The following ABHD17C variants were observed in gnomAD, a reference collection of about 807,000 sequenced individuals.
ABHD17C encodes alpha/beta hydrolase domain-containing protein 17C.
A neutral mutation model predicts 27.9 loss-of-function variants in ABHD17C; 11 were observed. That is an observed-to-expected ratio of 0.39 (90% CI 0.25 to 0.65). ABHD17C has a LOEUF of 0.65. Among genes scored for constraint, ABHD17C ranks in the 30% least tolerant of loss-of-function variants. The probability of loss-of-function intolerance (pLI) is 0.45; values close to 1 mark genes in which losing one functional copy is unlikely to be tolerated. For missense variants in ABHD17C, 280 were observed against 470.2 expected, an observed-to-expected ratio of 0.60 and a Z score of 3.74; for synonymous variants, 233 against 209.1, an observed-to-expected ratio of 1.11 and a Z score of -0.98.
In ABHD17C at chr15:80,728,455, G is replaced by A. The variant is rs185335522; in HGVS notation, c.591-21058G>A. Among the ~76,000 whole-genome samples the A allele has an allele frequency of 4.6e-5, 7 of 152,354 alleles. No individual in the cohort carries two copies. In the East Asian group the frequency reaches 1.4e-3, roughly 29 times the overall value. On this transcript the variant is annotated intron_variant, in intron 1 of 2. Transcript: ENST00000258884. ...TGGTGGGGCTGAGCTTTTAGGAGAA[G>A]TGACAGTGACTAGCTGAGAAGGACC...
At chr15:80,752,684 T>G (rs1174893612) in intron 2 of ABHD17C, among the ~76,000 whole-genome samples, 1 of 152,218 alleles carries the variant, frequency 6.6e-6, no homozygotes, top group Non-Finnish European at 1.5e-5. Context: ...TTTTGTAACT[T>G]CGACTAGGAT....
At chr15:80,728,208 T>C (rs1460199838) in intron 1 of ABHD17C, among the ~76,000 whole-genome samples, 4 of 152,220 alleles carry the variant, frequency 2.6e-5, no homozygotes, top group East Asian at 1.9e-4. Flanking sequence ...ACGTGCCTTC[T>C]AATAATGAAC....
In ABHD17C at chr15:80,695,395, C is replaced by A; in HGVS notation, c.-35C>A. 1.7e-6 allele frequency: 2 copies of A among 1,186,608 alleles called. No homozygotes were observed. Among genetic ancestry groups the A allele is most frequent in the Non-Finnish European group, 2.1e-6 (2 of 950,368 alleles). The allele number at this position is 1,186,608 out of a possible 1,614,324, so 73.5% of individuals were successfully genotyped here. ...CCTCCCGGGCCAGCCAGCCAGCCAG[C>A]CAGCCGGGCCGGCGGCGGGCACCAG... is the stretch of plus-strand genomic sequence containing the variant. On this transcript the variant is annotated 5_prime_UTR_variant, in exon 1 of 3. Transcript: ENST00000258884. The surrounding 1 kb of genome is among the most constrained non-coding windows in gnomAD (Gnocchi z 4.3).
At chr15:80,699,429 A>G (rs894440542) in intron 1 of ABHD17C, among the ~76,000 whole-genome samples, 1 of 152,002 alleles carries the variant, frequency 6.6e-6, no homozygotes, top group Non-Finnish European at 1.5e-5. Context: ...CAAAAAAAAA[A>G]GGGCCAGATG....
At chr15:80,727,274 G>A (rs185735653) in intron 1 of ABHD17C, among the ~76,000 whole-genome samples, 2 of 152,176 alleles carry the variant, frequency 1.3e-5, no homozygotes, top group South Asian at 2.1e-4. Flanking sequence ...AGCAGAGATT[G>A]AGGGCAGTTC....
At chr15:80,717,271 A>AAAAC (rs10644616) in intron 1 of ABHD17C, among the ~76,000 whole-genome samples, 2,841 of 144,982 alleles carry the variant, frequency 0.02, 94 homozygotes, top group Non-Finnish European at 0.028. Flanking sequence ...AAAAAAAAAA[A>AAAAC]GAGTTTTGGC....
At chr15:80,726,501 G>GTTTTTTTTTTTTTTTTT (rs10572505) in intron 1 of ABHD17C, among the ~76,000 whole-genome samples, 9 of 94,498 alleles carry the variant, frequency 9.5e-5, no homozygotes, top group African/African-American at 4.8e-4. Flanking sequence ...TCTTTTTCTG[G>GTTTTTTTTTTTTTTTTT]TTTTTTTTTT....
intron 1 of ABHD17C, among the ~76,000 whole-genome samples, chr15:80,717,603 C>G (rs1437323875): frequency 1.3e-5 from 2 of 152,130 alleles, no homozygotes; most frequent in Non-Finnish European, 1.5e-5. Flanking sequence ...CCAGGCTGGT[C>G]TTGAACTCCT....
chr15:80,696,275 C>T (rs1894494373), intron 1 of ABHD17C, among the ~76,000 whole-genome samples: 1 of 152,190 alleles, frequency 6.6e-6, no homozygotes, highest in Non-Finnish European at 1.5e-5. Context: ...TTTGGCTCGC[C>T]TGTGTGTCGC....
chr15:80,710,663 G>A (rs985626115), intron 1 of ABHD17C, among the ~76,000 whole-genome samples: 4 of 152,154 alleles, frequency 2.6e-5, no homozygotes, highest in African/African-American at 7.2e-5. Flanking sequence ...CAAGGATAAC[G>A]CCAAGGATTT....
intron 1 of ABHD17C, among the ~76,000 whole-genome samples, chr15:80,720,513 G>C (rs1162271924): frequency 1.3e-5 from 2 of 151,882 alleles, no homozygotes; most frequent in Admixed American, 6.6e-5. Context: ...GACTGGTTCT[G>C]GTTTCTTGAA....
chr15:80,715,682 G>C (rs958491867), intron 1 of ABHD17C, among the ~76,000 whole-genome samples: 1 of 152,166 alleles, frequency 6.6e-6, no homozygotes, highest in Admixed American at 6.5e-5. Context: ...GCGCTTTCAC[G>C]TACACTCTCT....
In ABHD17C at chr15:80,744,387, A is replaced by G. The variant is rs369936699; in HGVS notation, c.591-5126A>G. On this transcript the variant is annotated intron_variant, in intron 1 of 2. Transcript: ENST00000258884. Reference sequence around the variant, plus strand: ...AAAAAAAAAATCCTAGTACTACAGTAAAAAGAGTTGTCCTCACCTGCTAAA... The same window carrying G: ...AAAAAAAAAATCCTAGTACTACAGTGAAAAGAGTTGTCCTCACCTGCTAAA... 2.0e-5 allele frequency among the ~76,000 whole-genome samples: 3 copies of G among 152,222 alleles called. No homozygotes were observed. In the East Asian group the frequency reaches 5.8e-4, roughly 29 times the overall value.
At chr15:80,734,851 G>A (rs1883236776) in intron 1 of ABHD17C, among the ~76,000 whole-genome samples, 2 of 152,236 alleles carry the variant, frequency 1.3e-5, no homozygotes, top group African/African-American at 4.8e-5. Flanking sequence ...GGTAAAGCTT[G>A]TCTTGATATG....
intron 1 of ABHD17C, among the ~76,000 whole-genome samples, chr15:80,747,265 G>A (rs1042077272): frequency 1.3e-5 from 2 of 152,126 alleles, no homozygotes; most frequent in Non-Finnish European, 2.9e-5. Context: ...TATGCTTTTT[G>A]GGGTCGTAGA....
At chr15:80,712,044 C>T (rs922276871) in intron 1 of ABHD17C, among the ~76,000 whole-genome samples, 1 of 152,194 alleles carries the variant, frequency 6.6e-6, no homozygotes, top group African/African-American at 2.4e-5. Context: ...ATATCTCTTC[C>T]TTGCCAGCAA....
chr15:80,736,471 C>T (rs1210944852), intron 1 of ABHD17C, among the ~76,000 whole-genome samples: 2 of 152,172 alleles, frequency 1.3e-5, no homozygotes, highest in African/African-American at 2.4e-5. Context: ...GTCCTATTTA[C>T]ACACCTGCTT....
At chr15:80,710,910 A>G (rs1894720593) in intron 1 of ABHD17C, among the ~76,000 whole-genome samples, 1 of 151,952 alleles carries the variant, frequency 6.6e-6, no homozygotes, top group Admixed American at 6.6e-5. Context: ...GAGGGCTGTG[A>G]GTGGCTCAGG....
At chr15:80,717,075 G>T (rs993589990) in intron 1 of ABHD17C, among the ~76,000 whole-genome samples, 2 of 152,156 alleles carry the variant, frequency 1.3e-5, no homozygotes, top group African/African-American at 4.8e-5. Context: ...TTATAGGGAA[G>T]ATTCCATTCA....
Sources: allele counts gnomAD v4.1 joint callset (sites outside exome capture counted in the v4.1 genomes callset), GRCh38; gene constraint gnomAD v4.1.1; non-coding constraint Gnocchi (gnomAD v3.1); transcripts MANE v1.5; gene names NCBI Gene and HGNC (gene_info 2026-07-23, HGNC 2026-07-21).